Variants in GPR158 observed in about 807,000 individuals in gnomAD.
The protein encoded by GPR158 is G protein-coupled receptor 158, also known as metabotropic glycine receptor.
A neutral mutation model predicts 78.2 loss-of-function variants in GPR158; 30 were observed. The ratio of observed to expected loss-of-function variants is 0.38; its 90% CI spans 0.29 to 0.52. The LOEUF is 0.52. Among genes scored for constraint, GPR158 ranks in the 20% least tolerant of loss-of-function variants. GPR158 has a pLI of 0.83. For missense variants in GPR158, 1,463 were observed against 1,523.5 expected (o/e 0.96, Z 0.66); for synonymous variants, 581 against 591.1 (o/e 0.98, Z 0.25).
chr10:25,449,148 A>G (rs1297322353), intron 4 of GPR158, among the ~76,000 whole-genome samples: 1 of 152,182 alleles, frequency 6.6e-6, no homozygotes, highest in African/African-American at 2.4e-5. Context: ...TTTCCCTCCA[A>G]TATGAATAAT....
intron 2 of GPR158, among the ~76,000 whole-genome samples, chr10:25,275,926 C>A (rs1283756632): frequency 2.0e-5 from 3 of 152,214 alleles, no homozygotes; most frequent in East Asian, 1.9e-4. Flanking sequence ...TTAAAAAAAT[C>A]TTGTATATTG....
chr10:25,453,102 A>G (rs1162384120), intron 4 of GPR158, among the ~76,000 whole-genome samples: 1 of 152,264 alleles, frequency 6.6e-6, no homozygotes, highest in Non-Finnish European at 1.5e-5. Context: ...TACATACACC[A>G]CATTTTCTAT....
chr10:25,520,095 A>G (rs1836237860), intron 5 of GPR158, among the ~76,000 whole-genome samples: 1 of 12,684 alleles, frequency 7.9e-5, no homozygotes, highest in Admixed American at 7.6e-4. Flanking sequence ...TTTTCTCTAA[A>G]CTTCCCTTCT....
chr10:25,286,121 A>AT (rs1246278563), intron 2 of GPR158, among the ~76,000 whole-genome samples: 1 of 151,438 alleles, frequency 6.6e-6, no homozygotes, highest in Admixed American at 6.6e-5. Context: ...GTGTGCATGC[A>AT]TTTTTTCCCT....
chr10:25,316,933 G>GTATA lies in GPR158; in HGVS notation c.1009-78965_1009-78962dup, dbSNP rs35117291. On this transcript the variant is annotated intron_variant, in intron 2 of 10. Transcript: ENST00000376351. Reference sequence around the variant, plus strand: ...TGTTTATGTGTGTGTGTATGTGTGTGTATATATATATATATACACTCTTCC... The same window carrying GTATA: ...TGTTTATGTGTGTGTGTATGTGTGTGTATATATATATATATATATACACTCTTCC... 8.0e-3 allele frequency among the ~76,000 whole-genome samples: 1,196 copies of GTATA among 148,824 alleles called. 8 individuals are homozygous for GTATA. The highest frequency in any genetic ancestry group is 0.018 in the African/African-American group (744 of 40,692).
chr10:25,424,311 T>G (rs1834790804), intron 4 of GPR158, among the ~76,000 whole-genome samples: 1 of 152,180 alleles, frequency 6.6e-6, no homozygotes, highest in South Asian at 2.1e-4. Flanking sequence ...GCAAAATTTT[T>G]CTCCCATTCT....
At chr10:25,286,601 G>GT (rs1180872036) in intron 2 of GPR158, among the ~76,000 whole-genome samples, 9 of 150,202 alleles carry the variant, frequency 6.0e-5, no homozygotes, top group African/African-American at 1.5e-4. Flanking sequence ...TGACAGTGTT[G>GT]TTGTTTTTTT....
In GPR158 at chr10:25,494,536, C is replaced by A. The variant is rs1362676480; in HGVS notation, c.1404+27817C>A. Among the ~76,000 whole-genome samples the A allele has an allele frequency of 2.0e-5, 3 of 152,140 alleles. No homozygotes were observed. The East Asian group carries it at 5.8e-4, about 29-fold the overall frequency. ...ACTGTAGATAATATTATTCCTTTAT[C>A]ATTTACCTGTAGGCGTAAGTATTCA... On this transcript the variant is annotated intron_variant, in intron 5 of 10. Transcript: ENST00000376351.
chr10:25,423,836 A>G (rs1410559183), intron 4 of GPR158, among the ~76,000 whole-genome samples: 7 of 152,238 alleles, frequency 4.6e-5, no homozygotes, highest in Non-Finnish European at 1.0e-4. Context: ...ACAGTGCCAC[A>G]ATAAACATAC....
intron 5 of GPR158, among the ~76,000 whole-genome samples, chr10:25,541,410 A>T (rs998483193): frequency 6.6e-6 from 1 of 152,018 alleles, no homozygotes; most frequent in Non-Finnish European, 1.5e-5. Context: ...AATGAAATCA[A>T]ATTTCTTGAT....
intron 2 of GPR158, among the ~76,000 whole-genome samples, chr10:25,376,285 A>G (rs1389230553): frequency 5.3e-5 from 8 of 151,792 alleles, no homozygotes; most frequent in African/African-American, 1.9e-4. Flanking sequence ...AAAGACACAT[A>G]TATAGCTTTT....
chr10:25,412,484 G>GA lies in GPR158; in HGVS notation c.1335+13dup. ...TTTCGCAAAGCAAAGGTAAACCCAG[G>GA]AACCCTGGTTATGATCCTGTATTAC... On this transcript the variant is annotated intron_variant, in intron 4 of 10. Transcript: ENST00000376351. The GA allele has an allele frequency of 6.3e-7, 1 of 1,590,584 alleles. No homozygotes were observed.
intron 2 of GPR158, among the ~76,000 whole-genome samples, chr10:25,331,239 C>G (rs1855116359): frequency 6.6e-6 from 1 of 152,178 alleles, no homozygotes; most frequent in African/African-American, 2.4e-5. Flanking sequence ...TGTGCTCAGT[C>G]TAATAAATGC....
chr10:25,365,844 A>G (rs2130540659), intron 2 of GPR158, among the ~76,000 whole-genome samples: 1 of 151,524 alleles, frequency 6.6e-6, no homozygotes, highest in African/African-American at 2.4e-5. Flanking sequence ...ACATTCCAAA[A>G]CTCCAGAAGG....
At chr10:25,187,003 C>T (rs531712708) in intron 1 of GPR158, among the ~76,000 whole-genome samples, 1 of 134,186 alleles carries the variant, frequency 7.5e-6, no homozygotes. Context: ...CTCACTCTGT[C>T]GCCCAGGCTG....
At chr10:25,287,145 T>C (rs936581270) in intron 2 of GPR158, among the ~76,000 whole-genome samples, 2 of 152,104 alleles carry the variant, frequency 1.3e-5, no homozygotes, top group Non-Finnish European at 2.9e-5. Context: ...TATTCCTGCT[T>C]TTCTCCAAGA....
intron 5 of GPR158, among the ~76,000 whole-genome samples, chr10:25,523,480 C>T (rs991078933): frequency 1.3e-5 from 2 of 152,036 alleles, no homozygotes; most frequent in Admixed American, 6.6e-5. Flanking sequence ...ACAGAGTTCC[C>T]GTAAAAGGTT....
At chr10:25,589,352 CCTT>C (rs751486777) in intron 8 of GPR158, among the ~76,000 whole-genome samples, 1 of 152,012 alleles carries the variant, frequency 6.6e-6, no homozygotes, top group Non-Finnish European at 1.5e-5. Context: ...TTGTTTATTG[CCTT>C]CTTCTATTTT....
chr10:25,253,013 G>C (rs914642066), intron 2 of GPR158, among the ~76,000 whole-genome samples: 3 of 152,156 alleles, frequency 2.0e-5, no homozygotes. Flanking sequence ...ATATAGTCTC[G>C]TGGTGTGCCG....
Sources: allele counts gnomAD v4.1 joint callset (sites outside exome capture counted in the v4.1 genomes callset), GRCh38; gene constraint gnomAD v4.1.1; transcripts MANE v1.5; gene names NCBI Gene and HGNC (gene_info 2026-07-23, HGNC 2026-07-21).